The following SYT1 variants were observed in gnomAD, a reference collection of about 807,000 sequenced individuals.
SYT1 encodes synaptotagmin 1.
SYT1 carries 8 observed loss-of-function variants against 44.8 expected under a neutral mutation model. The observed-to-expected ratio is 0.18, with a 90% CI of 0.10 to 0.32. The LOEUF is 0.32. Among genes scored for constraint, SYT1 ranks in the 10% least tolerant of loss-of-function variants. The probability of loss-of-function intolerance (pLI) is 1.00; values close to 1 mark genes in which losing one functional copy is unlikely to be tolerated. For synonymous variants in SYT1, 154 were observed against 188.8 expected (o/e 0.82, Z 1.51); for missense variants, 286 against 509.3 (o/e 0.56, Z 4.22).
At chr12:78,881,901 T>A (rs1874477115) in intron 1 of SYT1, among the ~76,000 whole-genome samples, 1 of 151,744 alleles carries the variant, frequency 6.6e-6, no homozygotes, top group African/African-American at 2.4e-5. Context: ...CCCTCAGGCA[T>A]CTGCTTAAAT....
chr12:79,145,383 A>G (rs1309969630), intron 3 of SYT1, among the ~76,000 whole-genome samples: 4 of 152,142 alleles, frequency 2.6e-5, no homozygotes, highest in Non-Finnish European at 4.4e-5. Flanking sequence ...AAAGATCATA[A>G]TCTTCATAAC....
At chr12:79,250,395 C>A (rs1349768812) in intron 4 of SYT1, among the ~76,000 whole-genome samples, 1 of 152,156 alleles carries the variant, frequency 6.6e-6, no homozygotes, top group Non-Finnish European at 1.5e-5. Context: ...AAGGGCTTTC[C>A]TGGAACACTC....
chr12:78,986,122 A>G (rs1869623715), intron 2 of SYT1, among the ~76,000 whole-genome samples: 1 of 152,024 alleles, frequency 6.6e-6, no homozygotes, highest in Non-Finnish European at 1.5e-5. Flanking sequence ...TAGGAAGTAC[A>G]TTCAAACGGA....
At chr12:78,868,553 A>G (rs1873660917) in intron 1 of SYT1, among the ~76,000 whole-genome samples, 1 of 151,922 alleles carries the variant, frequency 6.6e-6, no homozygotes, top group African/African-American at 2.4e-5. Context: ...TAATAATTTC[A>G]GCTAGAATTT....
chr12:79,299,234 CAA>C, intron 7 of SYT1, 148 bp from the exon 8 acceptor site: 1 of 827,162 alleles, frequency 1.2e-6, no homozygotes, highest in Non-Finnish European at 1.8e-6. Context: ...AGCAGTTTGT[CAA>C]AAGTCTGAAT....
intron 2 of SYT1, among the ~76,000 whole-genome samples, chr12:78,994,398 G>A (rs749965306): frequency 3.5e-4 from 53 of 151,916 alleles, no homozygotes; most frequent in Non-Finnish European, 6.8e-4. Flanking sequence ...TCACTGAATA[G>A]TCTGCCTATT....
At chr12:79,195,700 G>A (rs1300733817) in intron 3 of SYT1, among the ~76,000 whole-genome samples, 1 of 152,152 alleles carries the variant, frequency 6.6e-6, no homozygotes, top group Non-Finnish European at 1.5e-5. Flanking sequence ...TGAAAGTAAT[G>A]ATTTAGGAAC....
At chr12:79,444,621 T>C (rs1050393519) in intron 10 of SYT1, among the ~76,000 whole-genome samples, 1 of 152,170 alleles carries the variant, frequency 6.6e-6, no homozygotes, top group Admixed American at 6.6e-5. Flanking sequence ...ATGCTAAATA[T>C]GCAGCATATT....
chr12:79,449,054 G>A lies in SYT1; in HGVS notation c.1199G>A (p.Arg400Gln), dbSNP rs1477066025. The A allele has an allele frequency of 6.2e-7, 1 of 1,614,056 alleles. No homozygotes were observed. Among genetic ancestry groups the A allele is most frequent in the Non-Finnish European group, 8.5e-7 (1 of 1,180,034 alleles). The change falls in exon 11 of 11, where the codon CGA becomes CAA. Residue 400 changes from arginine to glutamine, a missense_variant. Coordinates refer to ENST00000261205, the MANE Select transcript of SYT1 (RefSeq NM_005639.3). ...HWSDMLANPR[R>Q]PIAQWHTLQV... Reference sequence around the variant, plus strand: ...TCAGACATGCTGGCCAACCCCAGGCGACCTATTGCCCAGTGGCACACCCTG... The same window carrying A: ...TCAGACATGCTGGCCAACCCCAGGCAACCTATTGCCCAGTGGCACACCCTG...
chr12:79,260,471 A>T (rs1309943794), intron 4 of SYT1, among the ~76,000 whole-genome samples: 1 of 152,240 alleles, frequency 6.6e-6, no homozygotes, highest in Non-Finnish European at 1.5e-5. Context: ...AGTGACAGCA[A>T]ATCCCAGTGC....
At chr12:79,408,122 C>T (rs1270375661) in intron 9 of SYT1, among the ~76,000 whole-genome samples, 1 of 152,088 alleles carries the variant, frequency 6.6e-6, no homozygotes, top group Non-Finnish European at 1.5e-5. Context: ...CTACTCTGAA[C>T]AGGAGATGGC....
intron 9 of SYT1, among the ~76,000 whole-genome samples, chr12:79,355,887 C>A (rs745957698): frequency 6.6e-6 from 1 of 152,032 alleles, no homozygotes; most frequent in African/African-American, 2.4e-5. Flanking sequence ...GTGCAAAAGA[C>A]CCTCCCCTCC....
chr12:79,306,496 T>A (rs1880404453), intron 8 of SYT1, among the ~76,000 whole-genome samples: 1 of 152,172 alleles, frequency 6.6e-6, no homozygotes, highest in African/African-American at 2.4e-5. Flanking sequence ...TGTGGGAAAG[T>A]GATGAGATGG....
chr12:79,130,159 T>TA (rs1565819513), intron 3 of SYT1, among the ~76,000 whole-genome samples: 1 of 152,192 alleles, frequency 6.6e-6, no homozygotes, highest in Non-Finnish European at 1.5e-5. Context: ...CTGGAAAGAA[T>TA]ATTTTTTCAG....
intron 1 of SYT1, among the ~76,000 whole-genome samples, chr12:78,907,865 G>C (rs1436583759): frequency 3.3e-5 from 5 of 151,978 alleles, no homozygotes; most frequent in Non-Finnish European, 7.4e-5. Context: ...ATGACTGTTT[G>C]TACAAAGCAT....
chr12:79,179,455 T>G lies in SYT1; in HGVS notation c.-17-38048T>G, dbSNP rs1333173821. Among the ~76,000 whole-genome samples, 2 of 3,400 alleles carry G rather than the reference T, an allele frequency of 5.9e-4. 1 individual carries two copies. The highest frequency in any genetic ancestry group is 1.5e-3 in the African/African-American group (2 of 1,372). 2.2% of individuals were successfully genotyped at this position (3,400 alleles called of 152,430 possible). On this transcript the variant is annotated intron_variant, in intron 3 of 10. Transcript: ENST00000261205. ...AGATATATCCATATAGATATAGATA[T>G]AATCTATATAGATATAGATATAGAG...
chr12:79,031,931 T>C (rs890005462), intron 2 of SYT1, among the ~76,000 whole-genome samples: 1 of 151,214 alleles, frequency 6.6e-6, no homozygotes, highest in African/African-American at 2.4e-5. Flanking sequence ...AAAATATATA[T>C]ATGTTATTAA....
chr12:79,074,699 A>G (rs1336242795), intron 3 of SYT1, among the ~76,000 whole-genome samples: 6 of 152,068 alleles, frequency 3.9e-5, no homozygotes, highest in Non-Finnish European at 8.8e-5. Flanking sequence ...GTACCCTGCT[A>G]TTATCATGCT....
intron 3 of SYT1, among the ~76,000 whole-genome samples, chr12:79,100,053 A>G (rs1366810104): frequency 6.6e-6 from 1 of 152,176 alleles, no homozygotes; most frequent in African/African-American, 2.4e-5. Flanking sequence ...GTAATAGAGT[A>G]ATATATTATT....
Sources: allele counts gnomAD v4.1 joint callset (sites outside exome capture counted in the v4.1 genomes callset), GRCh38; gene constraint gnomAD v4.1.1; transcripts MANE v1.5; gene names NCBI Gene and HGNC (gene_info 2026-07-23, HGNC 2026-07-21).